Variants in PRKCD observed in about 807,000 individuals in gnomAD.
The protein encoded by PRKCD is protein kinase C delta.
A neutral mutation model predicts 82.2 loss-of-function variants in PRKCD; 20 were observed. That is an observed-to-expected ratio of 0.24 (90% CI 0.17 to 0.35). The LOEUF (loss-of-function observed/expected upper bound fraction) is 0.35. PRKCD is among the 10% of genes least tolerant of loss of function. The probability of loss-of-function intolerance (pLI) is 1.00; values close to 1 mark genes in which losing one functional copy is unlikely to be tolerated. For missense variants in PRKCD, 607 were observed against 899.0 expected, an observed-to-expected ratio of 0.68 and a Z score of 4.15; for synonymous variants, 317 against 337.0, an observed-to-expected ratio of 0.94 and a Z score of 0.65.
At chr3:53,172,392 G>A (rs1703066711) in intron 2 of PRKCD, among the ~76,000 whole-genome samples, 1 of 152,138 alleles carries the variant, frequency 6.6e-6, no homozygotes, top group Admixed American at 6.5e-5. Flanking sequence ...TGCCGTGACT[G>A]CCGGTACCAG....
chr3:53,181,713 G>A lies in PRKCD; in HGVS notation c.552G>A (p.Lys184=). 2 of 1,613,116 alleles carry A rather than the reference G, an allele frequency of 1.2e-6. No individual in the cohort carries two copies. The highest frequency in any genetic ancestry group is 1.7e-6 in the Non-Finnish European group (2 of 1,179,078). ...VCKDFVWGLN[K]QGYKCRQCNA... ...TTTTGCCTTTCAGGGGCCTCAACAA[G>A]CAAGGCTACAAATGCAGGCGTAAGT... Residue 184 remains lysine (K), a synonymous_variant, in exon 7 of 19, where the codon AAG becomes AAA. Coordinates refer to ENST00000330452, the MANE Select transcript of PRKCD (RefSeq NM_006254.4).
At chr3:53,164,984 C>T (rs1214108859) in intron 1 of PRKCD, 120 bp from the exon 2 acceptor site, 1 of 152,212 alleles carries the variant, frequency 6.6e-6, no homozygotes, top group Non-Finnish European at 1.5e-5. Context: ...TCCAGAGAGA[C>T]CCGAGGTTTT....
intron 13 of PRKCD, 110 bp downstream of exon 13, chr3:53,186,450 C>A: frequency 1.4e-6 from 2 of 1,400,120 alleles, no homozygotes; most frequent in Non-Finnish European, 2.0e-6. Context: ...AAGGCAGGGC[C>A]ATGCTTTCCC....
chr3:53,181,598 C>T lies in PRKCD; in HGVS notation c.531C>T (p.Asp177=), dbSNP rs1240610213. The change falls in exon 6 of 19, where the codon GAC becomes GAT. Residue 177 remains aspartate (D), a synonymous_variant. Transcript: ENST00000330452. ...CCACCTTCTGTTCTGTGTGCAAAGA[C>T]TTTGTCTGGTGAGAACCGGCCATGC... ...GQPTFCSVCK[D]FVWGLNKQGY... is the part of the protein sequence containing the mutation. 1 of 1,614,254 alleles carries T rather than the reference C, an allele frequency of 6.2e-7. No individual in the cohort carries two copies. Among genetic ancestry groups the T allele is most frequent in the Non-Finnish European group, 8.5e-7 (1 of 1,180,042 alleles).
chr3:53,187,541 A>G (rs1049216493), intron 15 of PRKCD, 139 bp downstream of exon 15: 45 of 984,714 alleles, frequency 4.6e-5, no homozygotes, highest in Non-Finnish European at 6.0e-5. Flanking sequence ...GTATTTGCCT[A>G]TGCCTCCCAC....
chr3:53,170,962 C>T (rs1261014804), intron 2 of PRKCD, among the ~76,000 whole-genome samples: 5 of 145,688 alleles, frequency 3.4e-5, no homozygotes, highest in African/African-American at 9.9e-5. Flanking sequence ...TGTGTGTGTA[C>T]GTGTGCCCCT....
intron 17 of PRKCD, 52 bp downstream of exon 17, chr3:53,189,298 C>T: frequency 1.3e-6 from 2 of 1,520,846 alleles, no homozygotes; most frequent in African/African-American, 1.4e-5. Flanking sequence ...GGGGCAGGGG[C>T]TGGCAGACAC....
chr3:53,167,211 C>T (rs1011335053), intron 2 of PRKCD, among the ~76,000 whole-genome samples: 32 of 152,190 alleles, frequency 2.1e-4, no homozygotes, highest in East Asian at 1.9e-4. Context: ...AGTGGCTCTA[C>T]GCCTTGCTCC....
intron 2 of PRKCD, among the ~76,000 whole-genome samples, chr3:53,166,456 G>T (rs1223977304): frequency 6.6e-6 from 1 of 152,180 alleles, no homozygotes. Context: ...GCTCACACAG[G>T]GATATGGCAA....
In PRKCD at chr3:53,167,332, A is replaced by C. The variant is rs565892721; in HGVS notation, c.-20+2117A>C. On this transcript the variant is annotated intron_variant, in intron 2 of 18. Transcript: ENST00000330452. ...GGCCTTTTTGGGGGGCTCTAGGAGA[A>C]GGGCAGGGGGCAGGTCACGAAGTCC... 2.6e-5 allele frequency among the ~76,000 whole-genome samples: 4 copies of C among 152,288 alleles called. No individual in the cohort carries two copies. The East Asian group carries it at 7.7e-4, about 29-fold the overall frequency.
chr3:53,182,248 C>G (rs1360596940), intron 7 of PRKCD, among the ~76,000 whole-genome samples: 2 of 151,768 alleles, frequency 1.3e-5, no homozygotes, highest in Non-Finnish European at 2.9e-5. Context: ...CTTAACCTCT[C>G]TGTGCCTCAG....
At chr3:53,163,819 C>T (rs544533238) in intron 1 of PRKCD, among the ~76,000 whole-genome samples, 1 of 152,188 alleles carries the variant, frequency 6.6e-6, no homozygotes, top group Admixed American at 6.5e-5. Context: ...AGGGGGGATG[C>T]CCAGACAGAG....
rs535073728 is a variant in PRKCD, at chr3:53,189,564, G to A, written c.1744-309G>A. On this transcript the variant is annotated intron_variant, in intron 17 of 18. Coordinates refer to ENST00000330452, the MANE Select transcript of PRKCD (RefSeq NM_006254.4). The stretch of plus-strand genomic sequence containing the variant: ...CTCCTTATCTGTAAAATGGGGCTAT[G>A]AGCAGACTTGACTCACAGAGTTGTT... Among the ~76,000 whole-genome samples, 3 of 152,230 alleles carry A rather than the reference G, an allele frequency of 2.0e-5. No homozygotes were observed. In the South Asian group the frequency reaches 6.2e-4, roughly 32 times the overall value.
chr3:53,188,700 T>TTCTG lies in PRKCD; in HGVS notation c.1416-20_1416-19insTCTG, dbSNP rs1553669964. Reference sequence around the variant, plus strand: ...AGAAGAAATGTCCCCTGCTGACTCTTACCTGTCCCCTGTCCTTAGGGACCT... The same window carrying TTCTG: ...AGAAGAAATGTCCCCTGCTGACTCTTTCTGACCTGTCCCCTGTCCTTAGGGACCT... On this transcript the variant is annotated intron_variant, in intron 15 of 18. Coordinates refer to ENST00000330452, the MANE Select transcript of PRKCD (RefSeq NM_006254.4). The TTCTG allele has an allele frequency of 6.2e-7, 1 of 1,614,008 alleles. No individual in the cohort carries two copies.
In PRKCD at chr3:53,179,598, A is replaced by G. The variant is rs79959723; in HGVS notation, c.137A>G (p.Gln46Arg). The change falls in exon 4 of 19, where the codon CAG (glutamine) becomes CGG (arginine). Residue 46 changes from glutamine (Q) to arginine (R), a missense_variant. By Grantham distance (43) the Gln-to-Arg change is conservative (BLOSUM62 1). Coordinates refer to ENST00000330452, the MANE Select transcript of PRKCD (RefSeq NM_006254.4). ...LSTERGKTLV[Q>R]KKPTMYPEWK... ...GCAGAGCGTGGGAAAACACTGGTGC[A>G]GAAGAAGCCGACCATGTATCCTGAG... 3 of 1,614,238 alleles carry G rather than the reference A, an allele frequency of 1.9e-6. No homozygotes were observed. Among genetic ancestry groups the G allele is most frequent in the Non-Finnish European group, 2.5e-6 (3 of 1,180,040 alleles).
Position 53,181,187 on chromosome 3 carries a change from T to C in PRKCD, c.316-20T>C, listed in dbSNP as rs1341441631. On this transcript the variant is annotated intron_variant, in intron 4 of 18. Coordinates refer to ENST00000330452, the MANE Select transcript of PRKCD (RefSeq NM_006254.4). ...TGCCCTCACTGACCTTGTTCTCCCC[T>C]GGCCTCTGGCCCCCAACAGCTGGAC... The C allele has an allele frequency of 1.2e-6, 2 of 1,612,010 alleles. No homozygotes were observed. The highest frequency in any genetic ancestry group is 1.7e-6 in the Non-Finnish European group (2 of 1,179,100).
At chr3:53,187,131 T>C (rs1366719844) in intron 14 of PRKCD, among the ~76,000 whole-genome samples, 6 of 151,940 alleles carry the variant, frequency 3.9e-5, no homozygotes, top group African/African-American at 1.5e-4. Context: ...TCTTAGAGAA[T>C]TGGCTCACTG....
intron 4 of PRKCD, among the ~76,000 whole-genome samples, 168 bp from the exon 5 acceptor site, chr3:53,181,039 G>A (rs1380419477): frequency 6.6e-6 from 1 of 151,920 alleles, no homozygotes; most frequent in East Asian, 1.9e-4. Flanking sequence ...GGGCTCAGGA[G>A]TGGGGCTCAG....
In PRKCD at chr3:53,179,794, C is replaced by T. The variant is rs782523277; in HGVS notation, c.315+18C>T. 6.5e-6 allele frequency: 10 copies of T among 1,537,314 alleles called. No homozygotes were observed. The highest frequency in any genetic ancestry group is 2.4e-5 in the South Asian group (2 of 84,158). On this transcript the variant is annotated intron_variant, in intron 4 of 18. Transcript: ENST00000330452. ...AGTTCTGGGTAAGGGGCGCACGAGCCGTGCCGTGTGTGTGTGTGTGTGTGT... is the reference window on the plus strand; with the variant it reads ...AGTTCTGGGTAAGGGGCGCACGAGCTGTGCCGTGTGTGTGTGTGTGTGTGT...
Sources: gnomAD v4.1 joint callset for allele counts (sites outside exome capture counted in the v4.1 genomes callset) on GRCh38, gnomAD v4.1.1 for gene constraint, MANE v1.5 for transcripts, NCBI Gene and HGNC (gene_info 2026-07-23, HGNC 2026-07-21) for gene names.